Variants in ARHGAP44 observed in about 807,000 individuals in gnomAD.
ARHGAP44 encodes the protein Rho GTPase activating protein 44, also known as rho GTPase-activating protein 44.
In ARHGAP44, 43 loss-of-function variants were observed where a neutral mutation model predicts 106.8. The observed-to-expected ratio is 0.40, with a 90% CI of 0.32 to 0.52. The LOEUF (loss-of-function observed/expected upper bound fraction) is 0.52, where lower values mean the gene tolerates loss of function less well. Among genes scored for constraint, ARHGAP44 ranks in the 20% least tolerant of loss-of-function variants. The probability of loss-of-function intolerance (pLI) is 0.48; values close to 1 mark genes in which losing one functional copy is unlikely to be tolerated. For missense variants in ARHGAP44, 866 were observed against 1,050.5 expected (o/e 0.82, Z 2.43); for synonymous variants, 439 against 410.3 (o/e 1.07, Z -0.85).
At chr17:12,960,784 G>T (rs900937677) in intron 16 of ARHGAP44, among the ~76,000 whole-genome samples, 1 of 151,870 alleles carries the variant, frequency 6.6e-6, no homozygotes, top group Non-Finnish European at 1.5e-5. Context: ...GGCTGGTCTC[G>T]AACTCCTGAC....
chr17:12,849,064 A>T (rs2035657892), intron 1 of ARHGAP44, among the ~76,000 whole-genome samples: 1 of 146,906 alleles, frequency 6.8e-6, no homozygotes, highest in Non-Finnish European at 1.5e-5. Flanking sequence ...AAAAAAAAAA[A>T]GTTGACTAGA....
chr17:12,978,719 C>T (rs1292754237), intron 18 of ARHGAP44, among the ~76,000 whole-genome samples: 3 of 141,324 alleles, frequency 2.1e-5, no homozygotes, highest in Non-Finnish European at 3.0e-5. Flanking sequence ...GACAGGGTCT[C>T]CCTCTGTTGC....
In ARHGAP44 at chr17:12,974,232, A is replaced by G; in HGVS notation, c.1685A>G (p.Glu562Gly). Residue 562 changes from glutamate to glycine, a missense_variant, in exon 18 of 21, where the codon GAG becomes GGG. Coordinates refer to ENST00000379672, the MANE Select transcript of ARHGAP44 (RefSeq NM_014859.6). ...GCGCCCCTGCCTTCGCCGCTGCCGG[A>G]GCAGCCCCTGGACAGCCCCGCGGCC... ...LAAPLPSPLP[E>G]QPLDSPAAPA... 1.3e-6 allele frequency: 2 copies of G among 1,545,678 alleles called. No homozygotes were observed. The highest frequency in any genetic ancestry group is 2.4e-5 in the South Asian group (2 of 83,776).
chr17:12,964,275 T>G (rs1048974200), intron 16 of ARHGAP44, among the ~76,000 whole-genome samples: 1 of 151,146 alleles, frequency 6.6e-6, no homozygotes. Flanking sequence ...CCAGACTTCC[T>G]GGTCAAATCA....
chr17:12,912,100 T>C (rs759138107), intron 4 of ARHGAP44, among the ~76,000 whole-genome samples: 6 of 152,004 alleles, frequency 3.9e-5, no homozygotes, highest in South Asian at 2.1e-4. Flanking sequence ...ACCAAAACAA[T>C]TGGGTGGATA....
chr17:12,910,668 A>G (rs2037702285), intron 4 of ARHGAP44, among the ~76,000 whole-genome samples: 3 of 151,484 alleles, frequency 2.0e-5, no homozygotes, highest in African/African-American at 7.3e-5. Flanking sequence ...CTGGTCATGA[A>G]CTCCTGACCT....
At chr17:12,901,828 C>A (rs1229815187) in intron 3 of ARHGAP44, among the ~76,000 whole-genome samples, 1 of 152,132 alleles carries the variant, frequency 6.6e-6, no homozygotes, top group Non-Finnish European at 1.5e-5. Flanking sequence ...TCCTCTAAAT[C>A]CCAGACACCA....
chr17:12,986,630 G>C (rs1488342898), intron 20 of ARHGAP44: 1 of 130,582 alleles, frequency 7.7e-6, no homozygotes, highest in Non-Finnish European at 1.6e-5. Context: ...AGCCGAGATT[G>C]TGCCACTGCA....
intron 18 of ARHGAP44, among the ~76,000 whole-genome samples, chr17:12,978,562 T>C (rs1352112208): frequency 6.6e-6 from 1 of 151,472 alleles, no homozygotes; most frequent in Non-Finnish European, 1.5e-5. Flanking sequence ...GCTCCCAGTC[T>C]TTCTCACCTC....
intron 3 of ARHGAP44, 151 bp from the exon 4 acceptor site, chr17:12,908,746 C>T (rs2037636665): frequency 1.7e-6 from 1 of 593,490 alleles, no homozygotes; most frequent in Non-Finnish European, 2.9e-6. Flanking sequence ...CATCATGGTG[C>T]ACTATGAATT....
Position 12,990,346 on chromosome 17 carries a change from G to A in ARHGAP44, c.*175G>A. ...ATCTCCAGTCCGTGTGGTGATGCTG[G>A]TGGTGCAGGTTTTGTTTGTTCCTTT... On this transcript the variant is annotated 3_prime_UTR_variant, in exon 21 of 21. Coordinates refer to ENST00000379672, the MANE Select transcript of ARHGAP44 (RefSeq NM_014859.6). 1.2e-6 allele frequency: 1 copy of A among 802,884 alleles called. No individual in the cohort carries two copies. The highest frequency in any genetic ancestry group is 2.0e-5 in the South Asian group (1 of 50,256). The allele number at this position is 802,884 out of a possible 1,614,324, so 49.7% of individuals were successfully genotyped here. A position where few individuals can be genotyped will look rare whatever the true frequency, so the allele number is the denominator to read the frequency against.
chr17:12,956,822 C>A, intron 15 of ARHGAP44, 76 bp downstream of exon 15: 3 of 1,287,650 alleles, frequency 2.3e-6, no homozygotes, highest in Non-Finnish European at 3.3e-6. Flanking sequence ...GCCTTTGAAG[C>A]CAAGTACCAC....
rs72813128 is a variant in ARHGAP44 at position 12,817,743 on chromosome 17, T to G, written c.53+27852T>G. 6.2e-3 allele frequency among the ~76,000 whole-genome samples: 948 copies of G among 152,150 alleles called. 3 individuals are homozygous for G. The highest frequency in any genetic ancestry group is 7.9e-3 in the Non-Finnish European group (537 of 67,896). ...AGGATTAAAAAGTATCACACACCAT[T>G]TTGCACATAAATTGGACAATTTGAG... On this transcript the variant is annotated intron_variant, in intron 1 of 20. Transcript: ENST00000379672.
intron 16 of ARHGAP44, among the ~76,000 whole-genome samples, chr17:12,969,124 A>G (rs1264753532): frequency 6.6e-6 from 1 of 152,140 alleles, no homozygotes; most frequent in Non-Finnish European, 1.5e-5. Flanking sequence ...GTTTAGGGTC[A>G]CTGTTAGGAA....
At chr17:12,914,519 A>T (rs1598045775) in intron 4 of ARHGAP44, among the ~76,000 whole-genome samples, 1 of 152,202 alleles carries the variant, frequency 6.6e-6, no homozygotes, top group Non-Finnish European at 1.5e-5. Context: ...ATGATAGAGT[A>T]AAAAAGCAAG....
chr17:12,917,699 C>T (rs1034555844), intron 5 of ARHGAP44, among the ~76,000 whole-genome samples: 1 of 152,170 alleles, frequency 6.6e-6, no homozygotes, highest in African/African-American at 2.4e-5. Flanking sequence ...AATTAACCCT[C>T]GCAGACTCCC....
At chr17:12,864,692 A>G (rs866995683) in intron 1 of ARHGAP44, among the ~76,000 whole-genome samples, 5 of 152,214 alleles carry the variant, frequency 3.3e-5, no homozygotes, top group Non-Finnish European at 7.3e-5. Flanking sequence ...ACTAGAAAAT[A>G]TGGCAGCTAT....
intron 1 of ARHGAP44, among the ~76,000 whole-genome samples, chr17:12,824,905 AAGATTTTCCGT>A (rs2150802390): frequency 6.6e-6 from 1 of 151,858 alleles, no homozygotes; most frequent in South Asian, 2.1e-4. Context: ...ACTTTTGGGG[AAGATTTTCCGT>A]AGTGCTTGAC....
At chr17:12,945,262 C>T (rs555676921) in intron 10 of ARHGAP44, among the ~76,000 whole-genome samples, 200 of 151,112 alleles carry the variant, frequency 1.3e-3, no homozygotes, top group Non-Finnish European at 2.3e-3. Context: ...TGCCCACCTC[C>T]GCCTCCCAAA....
Sources: gnomAD v4.1 joint callset for allele counts (sites outside exome capture counted in the v4.1 genomes callset) on GRCh38, gnomAD v4.1.1 for gene constraint, MANE v1.5 for transcripts, NCBI Gene and HGNC (gene_info 2026-07-23, HGNC 2026-07-21) for gene names.